Variants in ANKS1B observed in about 807,000 individuals in gnomAD.
ANKS1B encodes ankyrin repeat and sterile alpha motif domain-containing protein 1B.
Under a neutral mutation model 148.3 loss-of-function variants are expected in ANKS1B, and 36 were observed. The ratio of observed to expected loss-of-function variants is 0.24; its 90% CI spans 0.19 to 0.32. The LOEUF (loss-of-function observed/expected upper bound fraction) is 0.32. Ranked by LOEUF, ANKS1B falls within the 10% of genes least tolerant of loss-of-function variation. The pLI is 1.00. For synonymous variants in ANKS1B, 542 were observed against 560.8 expected, an observed-to-expected ratio of 0.97 and a Z score of 0.47; for missense variants, 1,157 against 1,542.6, an observed-to-expected ratio of 0.75 and a Z score of 4.19.
chr12:99,830,780 C>A (rs1041853891), intron 1 of ANKS1B, among the ~76,000 whole-genome samples: 6 of 152,148 alleles, frequency 3.9e-5, no homozygotes, highest in African/African-American at 1.4e-4. Flanking sequence ...TTCTTGACTT[C>A]TCAAACCTCA....
intron 9 of ANKS1B, among the ~76,000 whole-genome samples, chr12:99,611,702 G>T (rs1209801869): frequency 6.6e-6 from 1 of 151,980 alleles, no homozygotes; most frequent in Admixed American, 6.6e-5. Flanking sequence ...AGATTTTTTA[G>T]AAATAATAGA....
In ANKS1B at chr12:99,692,459, T is replaced by A. The variant is rs143521985; in HGVS notation, c.1129-37249A>T. Among the ~76,000 whole-genome samples the A allele has an allele frequency of 6.0e-3, 917 of 151,912 alleles. 5 individuals are homozygous for A. The highest frequency in any genetic ancestry group is 0.021 in the African/African-American group (882 of 41,428). ...GCTGAGGTGGGAGGATCACTTGAGG[T>A]CAGGAGTTCAAGACCAGCCTGGGCA... On this transcript the variant is annotated intron_variant, in intron 8 of 26. Coordinates refer to ENST00000683438, the MANE Select transcript of ANKS1B (RefSeq NM_001352186.2).
intron 8 of ANKS1B, among the ~76,000 whole-genome samples, chr12:99,731,981 A>C (rs1174195424): frequency 6.6e-6 from 1 of 152,228 alleles, no homozygotes; most frequent in Non-Finnish European, 1.5e-5. Flanking sequence ...TAGACAATCC[A>C]ATTTAAAAAT....
At chr12:99,955,512 A>C in intron 1 of ANKS1B, among the ~76,000 whole-genome samples, 1 of 148,060 alleles carries the variant, frequency 6.8e-6, no homozygotes, top group African/African-American at 2.5e-5. Flanking sequence ...AAAAAAAAAA[A>C]AAAAAAAAAA....
chr12:99,479,141 A>T (rs1175230757), intron 10 of ANKS1B, among the ~76,000 whole-genome samples: 1 of 152,122 alleles, frequency 6.6e-6, no homozygotes, highest in Non-Finnish European at 1.5e-5. Flanking sequence ...TTGTAGAATT[A>T]CAGTTGAAAA....
Position 98,829,700 on chromosome 12 carries a change from CCT to C in ANKS1B, c.2887-349_2887-348del, listed in dbSNP as rs2099278866. Among the ~76,000 whole-genome samples, 2 of 152,146 alleles carry C rather than the reference CCT, an allele frequency of 1.3e-5. No individual in the cohort carries two copies. The highest frequency in any genetic ancestry group is 2.9e-5 in the Non-Finnish European group (2 of 68,032). On this transcript the variant is annotated intron_variant, in intron 18 of 26. Coordinates refer to ENST00000683438, the MANE Select transcript of ANKS1B (RefSeq NM_001352186.2). The surrounding 1 kb of genome is among the most constrained non-coding windows in gnomAD (Gnocchi z 5.2). ...CTGGGCCCTCATGTGGGCAGAGCGT[CCT>C]CACCATGGTAGATGCCATGATGAGA...
At chr12:99,249,370 A>G (rs2074278960) in intron 12 of ANKS1B, among the ~76,000 whole-genome samples, 1 of 152,192 alleles carries the variant, frequency 6.6e-6, no homozygotes, top group Non-Finnish European at 1.5e-5. Flanking sequence ...TCCCCTCTGT[A>G]GTTTGACTAC....
intron 1 of ANKS1B, among the ~76,000 whole-genome samples, chr12:99,980,150 G>A (rs1185120853): frequency 6.6e-6 from 1 of 151,154 alleles, no homozygotes; most frequent in Non-Finnish European, 1.5e-5. Context: ...GGCTTCACAG[G>A]TCATTGAAAA....
chr12:98,747,445 C>T (rs1361980060), intron 26 of ANKS1B, among the ~76,000 whole-genome samples: 1 of 152,034 alleles, frequency 6.6e-6, no homozygotes, highest in Admixed American at 6.5e-5. Flanking sequence ...ATCAAAAAGA[C>T]AAAAACTAAT....
intron 17 of ANKS1B, among the ~76,000 whole-genome samples, chr12:98,924,973 T>C (rs550962991): frequency 6.6e-6 from 1 of 152,256 alleles, no homozygotes; most frequent in Non-Finnish European, 1.5e-5. Context: ...ATATTCAAAG[T>C]CCAGACGGGA....
At chr12:99,420,748 T>C (rs1405474831) in intron 11 of ANKS1B, among the ~76,000 whole-genome samples, 2 of 152,164 alleles carry the variant, frequency 1.3e-5, no homozygotes, top group East Asian at 3.8e-4. Context: ...TAATCAAGAA[T>C]TGTTATGATT....
At chr12:98,939,999 C>G (rs1178306224) in intron 17 of ANKS1B, among the ~76,000 whole-genome samples, 1 of 152,166 alleles carries the variant, frequency 6.6e-6, no homozygotes, top group African/African-American at 2.4e-5. Flanking sequence ...AGCTGTTCTA[C>G]TGGGGAAAAG....
At chr12:99,661,997 T>C (rs1292153437) in intron 8 of ANKS1B, among the ~76,000 whole-genome samples, 1 of 152,172 alleles carries the variant, frequency 6.6e-6, no homozygotes, top group African/African-American at 2.4e-5. Flanking sequence ...ACCTGCACAA[T>C]GGAACAACAA....
intron 17 of ANKS1B, among the ~76,000 whole-genome samples, chr12:98,884,032 T>C (rs909480402): frequency 2.0e-5 from 3 of 152,172 alleles, no homozygotes; most frequent in African/African-American, 2.4e-5. Context: ...GATGTATACG[T>C]AGATTCACAT....
At chr12:99,045,576 T>A (rs1456395803) in intron 17 of ANKS1B, among the ~76,000 whole-genome samples, 2 of 152,228 alleles carry the variant, frequency 1.3e-5, no homozygotes, top group Non-Finnish European at 2.9e-5. Flanking sequence ...TTCAATTGTT[T>A]TAGATATGGG....
intron 11 of ANKS1B, among the ~76,000 whole-genome samples, chr12:99,437,532 A>T (rs943485133): frequency 6.6e-6 from 1 of 151,848 alleles, no homozygotes; most frequent in Non-Finnish European, 1.5e-5. Context: ...GTCACTTCTC[A>T]AGAGCCCCCT....
intron 9 of ANKS1B, among the ~76,000 whole-genome samples, chr12:99,560,369 A>G (rs1000083933): frequency 7.9e-5 from 12 of 151,538 alleles, no homozygotes; most frequent in African/African-American, 2.9e-4. Context: ...TTCAAAGTAC[A>G]ATACAGTTTT....
At chr12:99,469,321 G>A (rs1354871914) in intron 10 of ANKS1B, among the ~76,000 whole-genome samples, 2 of 150,426 alleles carry the variant, frequency 1.3e-5, no homozygotes, top group African/African-American at 2.5e-5. Flanking sequence ...GGATAGCATT[G>A]GGAGATATAC....
chr12:99,952,752 A>G (rs1229285067), intron 1 of ANKS1B, among the ~76,000 whole-genome samples: 2 of 152,206 alleles, frequency 1.3e-5, no homozygotes, highest in African/African-American at 4.8e-5. Flanking sequence ...TGTCTTTTCT[A>G]TAGGGACTTC....
Sources: gnomAD v4.1 joint callset for allele counts (sites outside exome capture counted in the v4.1 genomes callset) on GRCh38, gnomAD v4.1.1 for gene constraint, Gnocchi (gnomAD v3.1) non-coding constraint, MANE v1.5 for transcripts, NCBI Gene and HGNC (gene_info 2026-07-23, HGNC 2026-07-21) for gene names.